STAG1: variants seen among roughly 807,000 people sequenced by gnomAD.
STAG1 encodes the protein cohesin subunit SA-1.
STAG1 carries 26 observed loss-of-function variants against 170.9 expected under a neutral mutation model. The ratio of observed to expected loss-of-function variants is 0.15; its 90% CI spans 0.11 to 0.21. STAG1 has a LOEUF of 0.21. STAG1 is among the 10% of genes least tolerant of loss of function. The pLI, the probability that STAG1 is intolerant of heterozygous loss-of-function variation, is 1.00. For synonymous variants in STAG1, 514 were observed against 497.7 expected (o/e 1.03, Z -0.44); for missense variants, 964 against 1,509.5 (o/e 0.64, Z 5.99).
Position 136,623,172 on chromosome 3 carries a change from T to G in STAG1, c.106A>C (p.Lys36Gln). ...LEETEVKGKR[K>Q]RGRPGRPPST... ...GGAGGCCGGCCAGGACGACCCCTTTTTCTTTTTCCTTTGACCTCTGTTTCT... is the reference window on the plus strand; with the variant it reads ...GGAGGCCGGCCAGGACGACCCCTTTGTCTTTTTCCTTTGACCTCTGTTTCT... Residue 36 changes from lysine (K) to glutamine (Q), a missense_variant, in exon 3 of 34, where the codon AAA (lysine) becomes CAA (glutamine). Physicochemically the swap from Lys to Gln is moderately conservative, Grantham distance 53 (BLOSUM62 1). Transcript: ENST00000383202. The G allele has an allele frequency of 2.5e-6, 4 of 1,613,768 alleles. No individual in the cohort carries two copies. Among genetic ancestry groups the G allele is most frequent in the Non-Finnish European group, 3.4e-6 (4 of 1,179,732 alleles).
chr3:136,656,609 G>GT (rs1941379317), intron 1 of STAG1, among the ~76,000 whole-genome samples: 1 of 139,972 alleles, frequency 7.1e-6, no homozygotes, highest in African/African-American at 2.7e-5. Flanking sequence ...TGTGCTCTCT[G>GT]TATTTATTTG....
chr3:136,491,659 C>T (rs1019437417), intron 9 of STAG1, among the ~76,000 whole-genome samples: 1 of 152,188 alleles, frequency 6.6e-6, no homozygotes, highest in African/African-American at 2.4e-5. Context: ...TCCATACTTA[C>T]TGTAAATGAT....
intron 1 of STAG1, among the ~76,000 whole-genome samples, chr3:136,702,040 G>A (rs1475335976): frequency 7.0e-6 from 1 of 143,666 alleles, no homozygotes; most frequent in Non-Finnish European, 1.5e-5. Context: ...AGCCTCCCAA[G>A]TAGCTAGGAC....
At chr3:136,518,101 AAACACTGAC>A in intron 7 of STAG1, 1 of 335,518 alleles carries the variant, frequency 3.0e-6, no homozygotes. Flanking sequence ...TGCAATGCAT[AAACACTGAC>A]AACAGGGACA....
At chr3:136,475,092 G>C (rs1207010343) in intron 10 of STAG1, among the ~76,000 whole-genome samples, 4 of 145,928 alleles carry the variant, frequency 2.7e-5, no homozygotes, top group Non-Finnish European at 6.0e-5. Flanking sequence ...ATTTTCATTA[G>C]TCTGTTTCCT....
intron 23 of STAG1, among the ~76,000 whole-genome samples, chr3:136,375,987 A>AATAAATAT (rs1937580931): frequency 7.1e-6 from 1 of 141,488 alleles, no homozygotes; most frequent in Non-Finnish European, 1.5e-5. Flanking sequence ...TAAATAAATA[A>AATAAATAT]ATAAATAAAT....
At chr3:136,687,170 T>C (rs974657523) in intron 1 of STAG1, among the ~76,000 whole-genome samples, 3 of 152,244 alleles carry the variant, frequency 2.0e-5, no homozygotes, top group Admixed American at 1.3e-4. Flanking sequence ...CATTATGTTG[T>C]CCATGCATAT....
At chr3:136,552,738 G>A (rs1936461125) in intron 5 of STAG1, among the ~76,000 whole-genome samples, 1 of 152,152 alleles carries the variant, frequency 6.6e-6, no homozygotes, top group East Asian at 1.9e-4. Flanking sequence ...ACTGCAAAGA[G>A]GGAGATAAAT....
At chr3:136,651,263 G>A (rs1284369693) in intron 1 of STAG1, among the ~76,000 whole-genome samples, 1 of 151,732 alleles carries the variant, frequency 6.6e-6, no homozygotes. Flanking sequence ...ATACTTCAGA[G>A]GCTGAGGTGG....
chr3:136,373,131 T>C (rs1251123439), intron 23 of STAG1, among the ~76,000 whole-genome samples: 1 of 152,202 alleles, frequency 6.6e-6, no homozygotes, highest in East Asian at 1.9e-4. Context: ...CTAGTTTATT[T>C]GCATAGAGGT....
At chr3:136,548,205 C>T (rs1936240963) in intron 5 of STAG1, among the ~76,000 whole-genome samples, 1 of 151,866 alleles carries the variant, frequency 6.6e-6, no homozygotes, top group Admixed American at 6.6e-5. Context: ...CCTTGACCTC[C>T]CCAGCTCAGG....
intron 1 of STAG1, among the ~76,000 whole-genome samples, chr3:136,723,101 G>C (rs1220793860): frequency 2.0e-5 from 3 of 152,234 alleles, no homozygotes; most frequent in Admixed American, 6.5e-5. Context: ...TGCAGCCTCT[G>C]CCCGGCCGCA....
intron 9 of STAG1, among the ~76,000 whole-genome samples, chr3:136,478,651 A>AAAG (rs2089827104): frequency 6.6e-6 from 1 of 152,202 alleles, no homozygotes; most frequent in Admixed American, 6.5e-5. Context: ...TGGTGACAAA[A>AAAG]TTCCTTGCTC....
intron 4 of STAG1, among the ~76,000 whole-genome samples, chr3:136,581,275 C>T (rs1009538148): frequency 3.9e-5 from 6 of 152,332 alleles, no homozygotes; most frequent in South Asian, 2.1e-4. Context: ...TTTTATGATA[C>T]AATCTACAAA....
chr3:136,392,780 A>G (rs1257019386), intron 22 of STAG1, among the ~76,000 whole-genome samples: 4 of 151,432 alleles, frequency 2.6e-5, no homozygotes, highest in East Asian at 1.9e-4. Context: ...AAAAAAAAAA[A>G]AAAAAGAAAA....
chr3:136,698,029 A>C (rs1467831814), intron 1 of STAG1, among the ~76,000 whole-genome samples: 2 of 152,130 alleles, frequency 1.3e-5, no homozygotes, highest in East Asian at 3.8e-4. Context: ...GGAAAAAAAA[A>C]AGAAAGAAAG....
At chr3:136,599,520 G>A (rs1487289187) in intron 4 of STAG1, among the ~76,000 whole-genome samples, 1 of 152,098 alleles carries the variant, frequency 6.6e-6, no homozygotes, top group Non-Finnish European at 1.5e-5. Context: ...GACAGAGCGA[G>A]ACTCTGTCTC....
chr3:136,678,694 T>G (rs1042923742), intron 1 of STAG1, among the ~76,000 whole-genome samples: 2 of 151,676 alleles, frequency 1.3e-5, no homozygotes, highest in African/African-American at 4.8e-5. Context: ...ACACTGAGCT[T>G]CTGCAATTTG....
intron 4 of STAG1, among the ~76,000 whole-genome samples, chr3:136,590,054 TG>T (rs1279197696): frequency 6.6e-6 from 1 of 150,658 alleles, no homozygotes; most frequent in Non-Finnish European, 1.5e-5. Context: ...ACCCAGGAGA[TG>T]GAAGTTGCAG....
Sources: gnomAD v4.1 joint callset for allele counts (sites outside exome capture counted in the v4.1 genomes callset) on GRCh38, gnomAD v4.1.1 for gene constraint, MANE v1.5 for transcripts, NCBI Gene and HGNC (gene_info 2026-07-23, HGNC 2026-07-21) for gene names.